The following SH3GL1 variants were observed in gnomAD, a reference collection of about 807,000 sequenced individuals.
SH3GL1 encodes the protein endophilin-A2.
Under a neutral mutation model 48.8 loss-of-function variants are expected in SH3GL1, and 21 were observed. The observed-to-expected ratio is 0.43, with a 90% CI of 0.30 to 0.62. The LOEUF (loss-of-function observed/expected upper bound fraction) is 0.62. Among genes scored for constraint, SH3GL1 ranks in the 20% least tolerant of loss-of-function variants. The pLI is 0.11. For missense variants in SH3GL1, 454 were observed against 503.0 expected (o/e 0.90, Z 0.93); for synonymous variants, 282 against 217.5 (o/e 1.30, Z -2.61).
chr19:4,362,852 G>A (rs1367293694), intron 7 of SH3GL1, 116 bp from the exon 8 acceptor site: 1 of 1,530,936 alleles, frequency 6.5e-7, no homozygotes, highest in Non-Finnish European at 8.9e-7. Context: ...GAGGCCGTCA[G>A]TGGGGTTGTG....
chr19:4,364,095 T>C lies in SH3GL1; in HGVS notation c.458A>G (p.Glu153Gly). ...LQNLCEKDLKEIQHHLKKLEG... is the reference protein window; with the variant it reads ...LQNLCEKDLKGIQHHLKKLEG... ...CTGGCGCAGGAGCAGCACCTGGATC[T>C]CCTTCAGGTCTTTCTCGCACAGGTT... is the stretch of plus-strand genomic sequence containing the variant. The change falls in exon 5 of 10, where the codon GAG becomes GGG. Residue 153 changes from glutamate to glycine, a missense_variant. Transcript: ENST00000269886. The C allele has an allele frequency of 6.2e-7, 1 of 1,612,586 alleles. No individual in the cohort carries two copies.
chr19:4,362,066 A>G (rs1972632712), intron 9 of SH3GL1, among the ~76,000 whole-genome samples: 1 of 152,198 alleles, frequency 6.6e-6, no homozygotes, highest in Non-Finnish European at 1.5e-5. Context: ...ACAGGGAGTG[A>G]CCAGATGCCC....
chr19:4,364,521 C>T (rs1176464593), intron 4 of SH3GL1: 1 of 384,360 alleles, frequency 2.6e-6, no homozygotes, highest in South Asian at 2.4e-5. Flanking sequence ...ACCTCTGCCT[C>T]CCAGGTTCAA....
At chr19:4,388,401 T>TAGA (rs909657042) in intron 1 of SH3GL1, among the ~76,000 whole-genome samples, 1 of 152,030 alleles carries the variant, frequency 6.6e-6, no homozygotes, top group Non-Finnish European at 1.5e-5. Context: ...GACGCAGGCT[T>TAGA]AGAAGACAGG....
At chr19:4,385,245 T>C (rs529168283) in intron 1 of SH3GL1, among the ~76,000 whole-genome samples, 151 of 152,304 alleles carry the variant, frequency 9.9e-4, no homozygotes, top group Middle Eastern at 3.4e-3. Flanking sequence ...CTGCTCTGGC[T>C]TCCTTGGGAT....
Position 4,364,185 on chromosome 19 carries a change from C to G in SH3GL1, c.368G>C (p.Arg123Pro), listed in dbSNP as rs373084701. The change falls in exon 5 of 10, where the codon CGC becomes CCC. Residue 123 changes from arginine (R) to proline (P), a missense_variant. Arg to Pro is a moderately radical substitution (Grantham distance 103, BLOSUM62 -2). Coordinates refer to ENST00000269886, the MANE Select transcript of SH3GL1 (RefSeq NM_003025.4). ...ALLDAGESMK[R>P]LAEVKDSLDI... ...CAGGGAGTCCTTCACCTCTGCCAGG[C>G]GCTTCATGGACTCGCCGGCATCCAG... is the stretch of plus-strand genomic sequence containing the variant. The G allele has an allele frequency of 6.2e-7, 1 of 1,613,868 alleles. No individual in the cohort carries two copies.
Position 4,361,322 on chromosome 19 carries a change from G to A in SH3GL1, c.*278C>T, listed in dbSNP as rs1972603758. On this transcript the variant is annotated 3_prime_UTR_variant, in exon 10 of 10. Transcript: ENST00000269886. ...CCCGCCTCGGCCAGCTGGGCGAGAA[G>A]TTGGGGAGCGGGGGAGGAGGCTGGC... The A allele has an allele frequency of 2.0e-6, 1 of 508,456 alleles. No individual in the cohort carries two copies. Among genetic ancestry groups the A allele is most frequent in the Non-Finnish European group, 3.5e-6 (1 of 285,124 alleles). The allele number at this position is 508,456 out of a possible 1,614,324, so 31.5% of individuals were successfully genotyped here.
At position 4,363,724 on chromosome 19, in the gene SH3GL1, G is replaced by T; in HGVS notation, c.620C>A (p.Thr207Asn). Residue 207 changes from threonine to asparagine, a missense_variant, in exon 6 of 10, where the codon ACT becomes AAT. Thr to Asn is a moderately conservative substitution (Grantham distance 65). This residue lies in a region of SH3GL1 where 278 missense variants were observed against 246.8 expected (regional missense o/e 1.13). Transcript: ENST00000269886. ...AETSMHNLLETDIEQVSQLSA... is the reference protein window; with the variant it reads ...AETSMHNLLENDIEQVSQLSA... ...GTGACACCCCGAGCTACTCACGTCA[G>T]TCTCCAGGAGGTTGTGCATGCTGGT... The T allele has an allele frequency of 6.2e-7, 1 of 1,613,286 alleles. No individual in the cohort carries two copies. Among genetic ancestry groups the T allele is most frequent in the South Asian group, 1.1e-5 (1 of 91,048 alleles).
chr19:4,388,745 C>T lies in SH3GL1; in HGVS notation c.45+11579G>A, dbSNP rs373742627. ...CAGCAGGTGCATTTCAGCCTGGCCTCGATCAAGGGGGGAAGCAGGCGTCTG... is the reference window on the plus strand; with the variant it reads ...CAGCAGGTGCATTTCAGCCTGGCCTTGATCAAGGGGGGAAGCAGGCGTCTG... On this transcript the variant is annotated intron_variant, in intron 1 of 9. Coordinates refer to ENST00000269886, the MANE Select transcript of SH3GL1 (RefSeq NM_003025.4). 2.4e-4 allele frequency among the ~76,000 whole-genome samples: 36 copies of T among 152,308 alleles called. No individual in the cohort carries two copies. In the East Asian group the frequency reaches 4.2e-3, roughly 18 times the overall value.
intron 7 of SH3GL1, 134 bp downstream of exon 7, chr19:4,363,236 C>T: frequency 2.7e-6 from 2 of 735,660 alleles, no homozygotes; most frequent in South Asian, 1.7e-5. Flanking sequence ...CAGGCCTTTC[C>T]ACTCAGTCCC....
chr19:4,370,335 G>T (rs1972872683), intron 1 of SH3GL1, among the ~76,000 whole-genome samples: 1 of 152,212 alleles, frequency 6.6e-6, no homozygotes, highest in South Asian at 2.1e-4. Context: ...CAGTGGCAAT[G>T]ACAGCTCCGC....
At chr19:4,378,453 A>G (rs1973056578) in intron 1 of SH3GL1, among the ~76,000 whole-genome samples, 1 of 152,112 alleles carries the variant, frequency 6.6e-6, no homozygotes, top group Non-Finnish European at 1.5e-5. Flanking sequence ...GGTGGCTCAC[A>G]CCTGTAATCC....
In SH3GL1 at chr19:4,400,215, C is replaced by T. The variant is rs375250305; in HGVS notation, c.45+109G>A. 2 of 1,216,476 alleles carry T rather than the reference C, an allele frequency of 1.6e-6. No homozygotes were observed. Among genetic ancestry groups the T allele is most frequent in the African/African-American group, 3.2e-5 (2 of 63,258 alleles). The allele number at this position is 1,216,476 out of a possible 1,614,324, so 75.4% of individuals were successfully genotyped here. A position where few individuals can be genotyped will look rare whatever the true frequency, so the allele number is the denominator to read the frequency against. ...CCACCTGGCAGGGGACACGCGCCAA[C>T]GTCCCCACCTCGGTCCCCCCGGCCC... On this transcript the variant is annotated intron_variant, in intron 1 of 9. Transcript: ENST00000269886. The surrounding 1 kb of genome is among the most constrained non-coding windows in gnomAD (Gnocchi z 4.1).
At chr19:4,397,411 T>C (rs1973445342) in intron 1 of SH3GL1, among the ~76,000 whole-genome samples, 1 of 152,222 alleles carries the variant, frequency 6.6e-6, no homozygotes, top group African/African-American at 2.4e-5. Context: ...CCTGCTTCCC[T>C]TGAGAGAGAC....
chr19:4,374,733 G>A (rs1471953407), intron 1 of SH3GL1, among the ~76,000 whole-genome samples: 2 of 152,142 alleles, frequency 1.3e-5, no homozygotes, highest in African/African-American at 2.4e-5. Flanking sequence ...CCTTGGCTCT[G>A]GCCTGGCCCC....
intron 1 of SH3GL1, among the ~76,000 whole-genome samples, chr19:4,388,564 C>T (rs962815216): frequency 2.0e-5 from 3 of 152,366 alleles, no homozygotes; most frequent in African/African-American, 7.2e-5. Flanking sequence ...GAGAGAGCTG[C>T]AGGATGGGTG....
intron 1 of SH3GL1, among the ~76,000 whole-genome samples, chr19:4,373,588 CG>C (rs1358263875): frequency 1.3e-5 from 2 of 152,210 alleles, no homozygotes; most frequent in African/African-American, 2.4e-5. Flanking sequence ...ACCTCTGTGG[CG>C]GGTCAGGCGC....
At chr19:4,381,003 G>GA (rs1440911987) in intron 1 of SH3GL1, among the ~76,000 whole-genome samples, 2 of 151,386 alleles carry the variant, frequency 1.3e-5, no homozygotes, top group Non-Finnish European at 2.9e-5. Flanking sequence ...GCTAACAGAG[G>GA]AAAAAACAAC....
At chr19:4,388,498 G>C (rs977150288) in intron 1 of SH3GL1, among the ~76,000 whole-genome samples, 1 of 152,214 alleles carries the variant, frequency 6.6e-6, no homozygotes, top group African/African-American at 2.4e-5. Flanking sequence ...GGAGCCGCAG[G>C]GCCTATTGTG....
Sources: gnomAD v4.1 joint callset for allele counts (sites outside exome capture counted in the v4.1 genomes callset) on GRCh38, gnomAD v4.1.1 for gene constraint, gnomAD v4.1.1 regional missense constraint, Gnocchi (gnomAD v3.1) non-coding constraint, MANE v1.5 for transcripts, NCBI Gene and HGNC (gene_info 2026-07-23, HGNC 2026-07-21) for gene names.